DPP6: variants seen among roughly 807,000 people sequenced by gnomAD.
DPP6 encodes dipeptidyl peptidase like 6.
In DPP6, 69 loss-of-function variants were observed where a neutral mutation model predicts 122.6. The observed-to-expected ratio is 0.56, with a 90% CI of 0.46 to 0.69. DPP6 has a LOEUF of 0.69. Ranked by LOEUF, DPP6 falls within the 30% of genes least tolerant of loss-of-function variation. The pLI, the probability that DPP6 is intolerant of heterozygous loss-of-function variation, is 0.00. For synonymous variants in DPP6, 418 were observed against 433.1 expected, an observed-to-expected ratio of 0.97 and a Z score of 0.43; for missense variants, 928 against 1,116.9, an observed-to-expected ratio of 0.83 and a Z score of 2.41.
chr7:154,831,507 C>T (rs1245909607), intron 16 of DPP6, among the ~76,000 whole-genome samples: 1 of 152,200 alleles, frequency 6.6e-6, no homozygotes, highest in African/African-American at 2.4e-5. Flanking sequence ...ATCATCTTTG[C>T]ATTTTTGTGC....
chr7:154,884,086 ACAC>A (rs754624897), intron 21 of DPP6: 1 of 147,260 alleles, frequency 6.8e-6, no homozygotes, highest in African/African-American at 2.7e-5. Context: ...ATGCTCACAC[ACAC>A]ATGCTCACCC....
intron 1 of DPP6, among the ~76,000 whole-genome samples, chr7:154,362,458 A>G (rs2151100432): frequency 6.6e-6 from 1 of 152,308 alleles, no homozygotes; most frequent in East Asian, 1.9e-4. Context: ...CCTGTTGCCC[A>G]GACTGGAATG....
the DPP6 span, among the ~76,000 whole-genome samples, chr7:153,752,180 C>A: frequency 6.6e-6 from 1 of 151,952 alleles, no homozygotes; most frequent in East Asian, 1.9e-4. Flanking sequence ...TCAGGGAGGA[C>A]AAGGCAACTT....
intron 1 of DPP6, among the ~76,000 whole-genome samples, chr7:154,057,166 T>G (rs1393480327): frequency 2.0e-5 from 3 of 152,354 alleles, no homozygotes; most frequent in African/African-American, 7.2e-5. Flanking sequence ...TTACTGTTTC[T>G]AAAGGATGGC....
At chr7:154,776,817 A>T (rs1433667562) in intron 10 of DPP6, among the ~76,000 whole-genome samples, 1 of 152,162 alleles carries the variant, frequency 6.6e-6, no homozygotes. Context: ...TGAAACTAAG[A>T]CACCTCGTCT....
In DPP6 at chr7:154,867,936, C is replaced by T. The variant is rs907292964; in HGVS notation, c.1715-59C>T. On this transcript the variant is annotated intron_variant, in intron 17 of 25. Coordinates refer to ENST00000377770, the MANE Select transcript of DPP6 (RefSeq NM_130797.4). ...TACGCACATGAAAAGCCATGGCCCGCAGAGGTCCTCCATGAGTGACCACTG... is the reference window on the plus strand; with the variant it reads ...TACGCACATGAAAAGCCATGGCCCGTAGAGGTCCTCCATGAGTGACCACTG... 1.4e-5 allele frequency: 22 copies of T among 1,518,172 alleles called. No individual in the cohort carries two copies. In the African/African-American group the frequency reaches 2.9e-4, roughly 20 times the overall value. 94.0% of individuals were successfully genotyped at this position (1,518,172 alleles called of 1,614,324 possible). A position where few individuals can be genotyped will look rare whatever the true frequency, so the allele number is the denominator to read the frequency against.
At chr7:153,956,200 C>T (rs1005703138) in intron 1 of DPP6, among the ~76,000 whole-genome samples, 1 of 152,080 alleles carries the variant, frequency 6.6e-6, no homozygotes, top group East Asian at 1.9e-4. Flanking sequence ...TAGATGTGGG[C>T]AGGTGGGGGC....
intron 5 of DPP6, among the ~76,000 whole-genome samples, chr7:154,577,590 C>T (rs1482627561): frequency 6.6e-6 from 1 of 152,170 alleles, no homozygotes; most frequent in Non-Finnish European, 1.5e-5. Context: ...TCTGACTCTT[C>T]TCCATGAACC....
rs1200083794 is a variant in DPP6, at chr7:154,481,348, T to G, written c.457+6311T>G. On this transcript the variant is annotated intron_variant, in intron 3 of 25. Transcript: ENST00000377770. The surrounding 1 kb of genome is among the most constrained non-coding windows in gnomAD (Gnocchi z 4.2). Reference sequence around the variant, plus strand: ...ACACTTGGAGAGAGAGAGAGAGGGGTGTGTGTGTGTGTGTGTGTGTGTGTG... The same window carrying G: ...ACACTTGGAGAGAGAGAGAGAGGGGGGTGTGTGTGTGTGTGTGTGTGTGTG... 7.0e-5 allele frequency among the ~76,000 whole-genome samples: 10 copies of G among 143,388 alleles called. No individual in the cohort carries two copies. 94.1% of individuals were successfully genotyped at this position (143,388 alleles called of 152,430 possible). A position where few individuals can be genotyped will look rare whatever the true frequency, so the allele number is the denominator to read the frequency against.
chr7:154,352,185 C>T (rs573068583), intron 1 of DPP6, among the ~76,000 whole-genome samples: 45 of 152,222 alleles, frequency 3.0e-4, no homozygotes, highest in East Asian at 1.7e-3. Context: ...AAGACAAGGC[C>T]GGGCACGGTG....
At chr7:154,264,564 T>C (rs1803249043) in intron 1 of DPP6, among the ~76,000 whole-genome samples, 1 of 152,180 alleles carries the variant, frequency 6.6e-6, no homozygotes, top group African/African-American at 2.4e-5. Flanking sequence ...CTGAGTATAG[T>C]GCTTGGTATA....
intron 1 of DPP6, among the ~76,000 whole-genome samples, chr7:154,126,938 C>G (rs896645032): frequency 1.3e-5 from 2 of 152,162 alleles, no homozygotes; most frequent in African/African-American, 4.8e-5. Context: ...CCCCAAGCCA[C>G]CATAACACTT....
chr7:153,772,429 G>A, the DPP6 span, among the ~76,000 whole-genome samples: 2 of 152,048 alleles, frequency 1.3e-5, no homozygotes, highest in East Asian at 3.9e-4. Flanking sequence ...AATTAATAAT[G>A]CATATTGTAA....
chr7:154,462,588 G>A (rs145059805), intron 2 of DPP6, among the ~76,000 whole-genome samples: 1 of 151,700 alleles, frequency 6.6e-6, no homozygotes. Context: ...CTTTAGTAAG[G>A]TTAATTCCTG....
At chr7:154,336,501 C>T (rs555807256) in intron 1 of DPP6, among the ~76,000 whole-genome samples, 19 of 152,284 alleles carry the variant, frequency 1.2e-4, no homozygotes, top group African/African-American at 3.6e-4. Flanking sequence ...CACCAGGTCC[C>T]GCAACACTGG....
intron 1 of DPP6, among the ~76,000 whole-genome samples, chr7:154,313,325 G>A (rs533635215): frequency 2.6e-5 from 4 of 152,304 alleles, no homozygotes; most frequent in African/African-American, 9.6e-5. Flanking sequence ...GAATGTGGCT[G>A]CAGGGGCACA....
chr7:154,447,220 C>T lies in DPP6; in HGVS notation c.358+892C>T, dbSNP rs564256521. Among the ~76,000 whole-genome samples the T allele has an allele frequency of 8.0e-4, 122 of 152,160 alleles. 2 individuals carry two copies. The highest frequency in any genetic ancestry group is 1.2e-3 in the Admixed American group (19 of 15,284). On this transcript the variant is annotated intron_variant, in intron 2 of 25. Transcript: ENST00000377770. ...ACTCAGGAGGCTGAGACAGGAGAAT[C>T]GCTTGAACCTGGGAGGCAGAGGTTG... is the stretch of plus-strand genomic sequence containing the variant.
intron 1 of DPP6, among the ~76,000 whole-genome samples, chr7:154,394,052 T>G (rs1814858845): frequency 6.6e-6 from 1 of 152,242 alleles, no homozygotes; most frequent in African/African-American, 2.4e-5. Context: ...TATCAGTTGA[T>G]AGACTCTTGG....
At chr7:153,869,330 G>T in the DPP6 span, among the ~76,000 whole-genome samples, 1 of 152,114 alleles carries the variant, frequency 6.6e-6, no homozygotes, top group Non-Finnish European at 1.5e-5. Context: ...ATTAATCTGG[G>T]TGCTCCTGTA....
Sources: gnomAD v4.1 joint callset for allele counts (sites outside exome capture counted in the v4.1 genomes callset) on GRCh38, gnomAD v4.1.1 for gene constraint, Gnocchi (gnomAD v3.1) non-coding constraint, MANE v1.5 for transcripts, NCBI Gene and HGNC (gene_info 2026-07-23, HGNC 2026-07-21) for gene names.